The following SCYL2 variants were observed in gnomAD, a reference collection of about 807,000 sequenced individuals.
The protein encoded by SCYL2 is SCY1 like pseudokinase 2.
Under a neutral mutation model 100.4 loss-of-function variants are expected in SCYL2, and 36 were observed. The ratio of observed to expected loss-of-function variants is 0.36; its 90% CI spans 0.27 to 0.47. SCYL2 has a LOEUF of 0.47. Ranked by LOEUF, SCYL2 falls within the 20% of genes least tolerant of loss-of-function variation. The probability of loss-of-function intolerance (pLI) is 1.00; values close to 1 mark genes in which losing one functional copy is unlikely to be tolerated. For synonymous variants in SCYL2, 330 were observed against 359.2 expected (o/e 0.92, Z 0.92); for missense variants, 902 against 1,083.9 (o/e 0.83, Z 2.36).
At chr12:100,279,446 G>A (rs1021612891) in intron 1 of SCYL2, among the ~76,000 whole-genome samples, 4 of 152,214 alleles carry the variant, frequency 2.6e-5, no homozygotes, top group Non-Finnish European at 4.4e-5. Flanking sequence ...GTCTACTGTT[G>A]TATAAGTCAC....
chr12:100,319,139 G>T (rs1201061606), intron 10 of SCYL2: 12 of 440,472 alleles, frequency 2.7e-5, no homozygotes, highest in African/African-American at 2.2e-4. Context: ...TCACTTTTTG[G>T]ACTTAATTCA....
At position 100,272,531 on chromosome 12, in the gene SCYL2, G is replaced by A. The variant is rs770979695; in HGVS notation, c.-29+4739G>A. Among the ~76,000 whole-genome samples, 10 of 152,056 alleles carry A rather than the reference G, an allele frequency of 6.6e-5. No individual in the cohort carries two copies. The East Asian group carries it at 1.5e-3, about 23-fold the overall frequency. On this transcript the variant is annotated intron_variant, in intron 1 of 17. Coordinates refer to ENST00000360820, the MANE Select transcript of SCYL2 (RefSeq NM_017988.6). ...ACCAATTTTTACTTTCAGTCTGGACGGTTTTTTCTAAGTTTTTGGCCTGCA... is the reference window on the plus strand; with the variant it reads ...ACCAATTTTTACTTTCAGTCTGGACAGTTTTTTCTAAGTTTTTGGCCTGCA...
intron 4 of SCYL2, among the ~76,000 whole-genome samples, chr12:100,305,722 T>A (rs1225920784): frequency 1.3e-5 from 2 of 150,484 alleles, no homozygotes; most frequent in Non-Finnish European, 3.0e-5. Context: ...GCTGGTTTTT[T>A]TTTTTTTTTT....
chr12:100,326,068 G>A (rs1223264030), intron 11 of SCYL2, among the ~76,000 whole-genome samples: 13 of 152,052 alleles, frequency 8.5e-5, no homozygotes, highest in Non-Finnish European at 2.9e-5. Flanking sequence ...AGGGTATGAT[G>A]TATTTATCAA....
chr12:100,315,534 T>A (rs554079143), intron 8 of SCYL2, 24 bp from the exon 9 acceptor site: 317 of 1,557,778 alleles, frequency 2.0e-4, no homozygotes, highest in Admixed American at 4.4e-4. Flanking sequence ...TATTTTTTTT[T>A]TAAAAAACAT....
rs982304292 is a variant in SCYL2 at position 100,317,862 on chromosome 12, G to A, written c.1332G>A (p.Glu444=). The A allele has an allele frequency of 6.2e-7, 1 of 1,609,170 alleles. No individual in the cohort carries two copies. Among genetic ancestry groups the A allele is most frequent in the Non-Finnish European group, 8.5e-7 (1 of 1,178,976 alleles). ...DLLLTKTPPD[E]IKNSVLPMVY... ...TACTAACCAAAACCCCTCCTGATGA[G>A]ATAAAGAACAGTGTTCTACCCATGG... Residue 444 remains glutamate, a synonymous_variant, in exon 10 of 18, where the codon GAG becomes GAA. Coordinates refer to ENST00000360820, the MANE Select transcript of SCYL2 (RefSeq NM_017988.6).
chr12:100,319,712 G>T (rs992685420), intron 10 of SCYL2, among the ~76,000 whole-genome samples: 1 of 151,978 alleles, frequency 6.6e-6, no homozygotes, highest in African/African-American at 2.4e-5. Context: ...TAGTAGAGAC[G>T]GGGTTTCACC....
chr12:100,306,304 C>A (rs1057427395), intron 4 of SCYL2, among the ~76,000 whole-genome samples: 24 of 152,202 alleles, frequency 1.6e-4, no homozygotes, highest in African/African-American at 5.8e-4. Flanking sequence ...GCTTATCCAC[C>A]ATGATCAAGT....
rs962396582 is a variant in SCYL2, at chr12:100,340,901, A to G, written c.*1729A>G. 9 of 152,240 alleles carry G rather than the reference A, an allele frequency of 5.9e-5. 1 individual carries two copies. The Middle Eastern group carries it at 0.01, about 173-fold the overall frequency. 9.4% of individuals were successfully genotyped at this position (152,240 alleles called of 1,614,324 possible). A position where few individuals can be genotyped will look rare whatever the true frequency, so the allele number is the denominator to read the frequency against. ...ATGCAATATTAATATGTCTTTTGGGAAAAAGCCTACATATGGAATAAAATA... is the reference window on the plus strand; with the variant it reads ...ATGCAATATTAATATGTCTTTTGGGGAAAAGCCTACATATGGAATAAAATA... On this transcript the variant is annotated 3_prime_UTR_variant, in exon 18 of 18. Transcript: ENST00000360820.
chr12:100,304,276 C>T (rs762153091), intron 4 of SCYL2, among the ~76,000 whole-genome samples: 9 of 151,892 alleles, frequency 5.9e-5, no homozygotes, highest in East Asian at 1.9e-4. Context: ...GGTTCTGTCT[C>T]GCTGGAGTTC....
At chr12:100,285,947 C>CTA (rs1746788516) in intron 2 of SCYL2, among the ~76,000 whole-genome samples, 1 of 151,900 alleles carries the variant, frequency 6.6e-6, no homozygotes, top group Non-Finnish European at 1.5e-5. Flanking sequence ...TTTGGCCAAG[C>CTA]TATATATATA....
At chr12:100,299,355 G>A (rs1181634639) in intron 4 of SCYL2, among the ~76,000 whole-genome samples, 1 of 152,124 alleles carries the variant, frequency 6.6e-6, no homozygotes, top group East Asian at 1.9e-4. Context: ...GCTTTATTAA[G>A]ATATAATTGG....
chr12:100,304,093 A>G (rs951512634), intron 4 of SCYL2, among the ~76,000 whole-genome samples: 11 of 152,130 alleles, frequency 7.2e-5, no homozygotes, highest in Non-Finnish European at 1.3e-4. Flanking sequence ...CAGTAATGGC[A>G]GACGCCTCTC....
chr12:100,277,656 A>G (rs994081717), intron 1 of SCYL2, among the ~76,000 whole-genome samples: 1 of 152,172 alleles, frequency 6.6e-6, no homozygotes, highest in Non-Finnish European at 1.5e-5. Flanking sequence ...ATCCAATTTG[A>G]TAATCTCTGC....
At chr12:100,302,972 T>C (rs186741402) in intron 4 of SCYL2, among the ~76,000 whole-genome samples, 1 of 152,246 alleles carries the variant, frequency 6.6e-6, no homozygotes, top group African/African-American at 2.4e-5. Flanking sequence ...TTTTCTCTAA[T>C]CTTGTCTTGA....
At chr12:100,334,085 T>G in intron 13 of SCYL2, 81 bp from the exon 14 acceptor site, 1 of 813,482 alleles carries the variant, frequency 1.2e-6, no homozygotes, top group Non-Finnish European at 2.1e-6. Flanking sequence ...ATATTATGAT[T>G]AATTTACTGA....
At chr12:100,275,947 A>G (rs1002153977) in intron 1 of SCYL2, among the ~76,000 whole-genome samples, 4 of 151,960 alleles carry the variant, frequency 2.6e-5, no homozygotes, top group African/African-American at 9.7e-5. Flanking sequence ...GCTTTTTTTC[A>G]TTATTCAGTT....
At chr12:100,299,934 A>G (rs986849765) in intron 4 of SCYL2, among the ~76,000 whole-genome samples, 2 of 152,198 alleles carry the variant, frequency 1.3e-5, no homozygotes, top group Non-Finnish European at 2.9e-5. Flanking sequence ...TAAGAAAATG[A>G]TACTGTTTTC....
At chr12:100,271,481 T>G (rs2096287673) in intron 1 of SCYL2, among the ~76,000 whole-genome samples, 1 of 152,222 alleles carries the variant, frequency 6.6e-6, no homozygotes, top group Non-Finnish European at 1.5e-5. Context: ...AATGATGATA[T>G]AAATGGTATT....
Sources: gnomAD v4.1 joint callset for allele counts (sites outside exome capture counted in the v4.1 genomes callset) on GRCh38, gnomAD v4.1.1 for gene constraint, MANE v1.5 for transcripts, NCBI Gene and HGNC (gene_info 2026-07-23, HGNC 2026-07-21) for gene names.